The following CRIM1 variants were observed in gnomAD, a reference collection of about 807,000 sequenced individuals.
CRIM1 encodes the protein cysteine rich transmembrane BMP regulator 1, also known as cysteine-rich motor neuron 1 protein.
Under a neutral mutation model 116.4 loss-of-function variants are expected in CRIM1, and 32 were observed. That is an observed-to-expected ratio of 0.27 (90% CI 0.21 to 0.37). CRIM1 has a LOEUF of 0.37. CRIM1 is among the 10% of genes least tolerant of loss of function. CRIM1 has a pLI of 1.00. For synonymous variants in CRIM1, 590 were observed against 509.2 expected, an observed-to-expected ratio of 1.16 and a Z score of -2.13; for missense variants, 1,331 against 1,354.8, an observed-to-expected ratio of 0.98 and a Z score of 0.28.
intron 1 of CRIM1, among the ~76,000 whole-genome samples, chr2:36,381,127 C>A (rs977952219): frequency 2.0e-5 from 3 of 152,216 alleles, no homozygotes; most frequent in Non-Finnish European, 4.4e-5. Context: ...ACCCCCCACA[C>A]AGGAATCTAG....
intron 2 of CRIM1, among the ~76,000 whole-genome samples, chr2:36,427,060 G>A (rs559529338): frequency 6.6e-6 from 1 of 152,032 alleles, no homozygotes. Flanking sequence ...AATTAGCCGG[G>A]TGTAGTGGTG....
intron 5 of CRIM1, among the ~76,000 whole-genome samples, chr2:36,466,599 C>G (rs914638523): frequency 4.6e-5 from 7 of 152,234 alleles, no homozygotes; most frequent in Non-Finnish European, 1.0e-4. Flanking sequence ...CTGTCTCTCA[C>G]TCCAAAATGT....
In CRIM1 at chr2:36,384,065, A is replaced by C. The variant is rs1490280043; in HGVS notation, c.332-12549A>C. On this transcript the variant is annotated intron_variant, in intron 1 of 16. Transcript: ENST00000280527. ...GAGGAGAGAAGTGCTACGGAGAAAAATAAAGCTGAGAAAGGGGACAGAGAC... is the reference window on the plus strand; with the variant it reads ...GAGGAGAGAAGTGCTACGGAGAAAACTAAAGCTGAGAAAGGGGACAGAGAC... Among the ~76,000 whole-genome samples the C allele has an allele frequency of 2.0e-5, 3 of 152,250 alleles. No individual in the cohort carries two copies. In the East Asian group the frequency reaches 5.8e-4, roughly 29 times the overall value.
chr2:36,398,075 C>A (rs1672157175), intron 2 of CRIM1, among the ~76,000 whole-genome samples: 1 of 152,210 alleles, frequency 6.6e-6, no homozygotes, highest in South Asian at 2.1e-4. Flanking sequence ...ATTTTGCCAA[C>A]TTCAGTATGT....
chr2:36,457,008 A>G (rs1197181376), intron 4 of CRIM1, among the ~76,000 whole-genome samples: 1 of 152,094 alleles, frequency 6.6e-6, no homozygotes, highest in East Asian at 1.9e-4. Flanking sequence ...CTTTCCTTTC[A>G]ACTTAGCACC....
intron 1 of CRIM1, among the ~76,000 whole-genome samples, chr2:36,387,281 A>G (rs1263362482): frequency 6.6e-6 from 1 of 152,264 alleles, no homozygotes; most frequent in African/African-American, 2.4e-5. Context: ...TGAAGAGATC[A>G]AATAGGAAAT....
Position 36,383,601 on chromosome 2 carries a change from C to G in CRIM1, c.332-13013C>G, listed in dbSNP as rs910646282. ...ATTGGGGCCTGCTGTGTGTTCAGCA[C>G]AGAGTGAGTATAGAAATGAGGGAAG... On this transcript the variant is annotated intron_variant, in intron 1 of 16. Transcript: ENST00000280527. Among the ~76,000 whole-genome samples the G allele has an allele frequency of 6.6e-5, 10 of 152,140 alleles. No individual in the cohort carries two copies. The East Asian group carries it at 1.9e-3, about 29-fold the overall frequency.
rs74583500 is a variant in CRIM1, at chr2:36,399,074, A to C, written c.505+2287A>C. On this transcript the variant is annotated intron_variant, in intron 2 of 16. Coordinates refer to ENST00000280527, the MANE Select transcript of CRIM1 (RefSeq NM_016441.3). ...GGAAGTGGGAATCTGCATGACTTAC[A>C]TGGAATACACTTGGGAAACTGGTCT... Among the ~76,000 whole-genome samples the C allele has an allele frequency of 8.4e-4, 128 of 152,328 alleles. 1 individual carries two copies. In the East Asian group the frequency reaches 0.016, roughly 19 times the overall value.
intron 4 of CRIM1, among the ~76,000 whole-genome samples, chr2:36,446,738 G>A (rs1289028231): frequency 2.0e-5 from 3 of 152,142 alleles, no homozygotes; most frequent in African/African-American, 7.2e-5. Context: ...ATATGGCAGT[G>A]CATTCTACCT....
chr2:36,513,812 G>A (rs1436037169), intron 11 of CRIM1, 47 bp downstream of exon 11: 7 of 1,532,750 alleles, frequency 4.6e-6, no homozygotes, highest in Non-Finnish European at 6.3e-6. Flanking sequence ...AATGACTTCT[G>A]CCTTGCAGGG....
intron 15 of CRIM1, among the ~76,000 whole-genome samples, chr2:36,544,952 T>C (rs534996978): frequency 2.6e-5 from 4 of 152,344 alleles, no homozygotes; most frequent in Admixed American, 2.0e-4. Flanking sequence ...GCTAAACTTA[T>C]CACCTATGTT....
At chr2:36,494,737 A>G (rs1410548691) in intron 7 of CRIM1, among the ~76,000 whole-genome samples, 1 of 152,180 alleles carries the variant, frequency 6.6e-6, no homozygotes, top group Admixed American at 6.5e-5. Context: ...GGCTCAGAAT[A>G]TTTTAGAATT....
chr2:36,512,433 CA>C (rs750106112), intron 10 of CRIM1, 39 bp downstream of exon 10: 12 of 1,568,828 alleles, frequency 7.6e-6, no homozygotes, highest in East Asian at 2.3e-5. Flanking sequence ...TCAAAGCAGC[CA>C]GGGGCACCGA....
chr2:36,414,323 T>A (rs1303795033), intron 2 of CRIM1, among the ~76,000 whole-genome samples: 1 of 152,214 alleles, frequency 6.6e-6, no homozygotes, highest in Non-Finnish European at 1.5e-5. Context: ...TGTCTGAAGT[T>A]TATATGTTTA....
At chr2:36,378,778 G>C (rs1432432282) in intron 1 of CRIM1, 1 of 148,500 alleles carries the variant, frequency 6.7e-6, no homozygotes, top group Non-Finnish European at 1.5e-5. Flanking sequence ...AAAATTTGCA[G>C]AAGATGGGAG....
At chr2:36,443,128 C>T (rs1239978471) in intron 4 of CRIM1, among the ~76,000 whole-genome samples, 1 of 152,162 alleles carries the variant, frequency 6.6e-6, no homozygotes, top group Non-Finnish European at 1.5e-5. Flanking sequence ...TGTGATGAAA[C>T]ATTGGGACCC....
intron 3 of CRIM1, among the ~76,000 whole-genome samples, chr2:36,441,928 T>C (rs3770884): frequency 0.16 from 24,541 of 152,170 alleles, 2,196 homozygotes; most frequent in East Asian, 0.47. Context: ...GATGAATACA[T>C]GCATCAAAAC....
chr2:36,514,526 G>A (rs1021173216), intron 11 of CRIM1, among the ~76,000 whole-genome samples: 7 of 152,200 alleles, frequency 4.6e-5, no homozygotes, highest in African/African-American at 1.7e-4. Context: ...AACAGACACA[G>A]AAAGATTGAC....
At chr2:36,435,046 C>T (rs1675190769) in intron 2 of CRIM1, among the ~76,000 whole-genome samples, 1 of 152,126 alleles carries the variant, frequency 6.6e-6, no homozygotes, top group Non-Finnish European at 1.5e-5. Flanking sequence ...TATTGTCTGT[C>T]TTCTCCAGAA....
Sources: allele counts gnomAD v4.1 joint callset (sites outside exome capture counted in the v4.1 genomes callset), GRCh38; gene constraint gnomAD v4.1.1; transcripts MANE v1.5; gene names NCBI Gene and HGNC (gene_info 2026-07-23, HGNC 2026-07-21).